VRK1: variants seen among roughly 807,000 people sequenced by gnomAD.
VRK1 encodes the protein serine/threonine-protein kinase VRK1.
Under a neutral mutation model 57.1 loss-of-function variants are expected in VRK1, and 33 were observed. The ratio of observed to expected loss-of-function variants is 0.58; its 90% confidence interval spans 0.44 to 0.77. The LOEUF (loss-of-function observed/expected upper bound fraction) is 0.77. Ranked by LOEUF, VRK1 falls within the 30% of genes least tolerant of loss-of-function variation. The probability of loss-of-function intolerance (pLI) is 0.00; values close to 1 mark genes in which losing one functional copy is unlikely to be tolerated. For synonymous variants in VRK1, 137 were observed against 147.8 expected, an observed-to-expected ratio of 0.93 and a Z score of 0.53; for missense variants, 413 against 477.3, an observed-to-expected ratio of 0.87 and a Z score of 1.25.
At chr14:96,842,473 A>G (rs548623351) in intron 3 of VRK1, among the ~76,000 whole-genome samples, 1 of 152,214 alleles carries the variant, frequency 6.6e-6, no homozygotes, top group African/African-American at 2.4e-5. Context: ...ATTATTTCTA[A>G]AAAAGCAGGA....
At chr14:96,851,104 A>G (rs1045783940) in intron 5 of VRK1, among the ~76,000 whole-genome samples, 2 of 152,070 alleles carry the variant, frequency 1.3e-5, no homozygotes, top group Non-Finnish European at 2.9e-5. Flanking sequence ...CCAAGGTGCT[A>G]GGAAATCTTA....
intron 1 of VRK1, among the ~76,000 whole-genome samples, chr14:96,810,023 TG>T (rs1389153403): frequency 6.6e-6 from 1 of 152,240 alleles, no homozygotes; most frequent in Non-Finnish European, 1.5e-5. Flanking sequence ...TAATCACTAG[TG>T]GCTGTATAGA....
chr14:96,823,790 C>T (rs1305650057), intron 1 of VRK1, among the ~76,000 whole-genome samples: 1 of 152,184 alleles, frequency 6.6e-6, no homozygotes, highest in Non-Finnish European at 1.5e-5. Flanking sequence ...CTCCCTCCAG[C>T]CTCTGGCTTA....
intron 1 of VRK1, among the ~76,000 whole-genome samples, chr14:96,829,371 A>G (rs1309308318): frequency 1.3e-5 from 2 of 152,144 alleles, no homozygotes; most frequent in Non-Finnish European, 1.5e-5. Flanking sequence ...TTTTAAGACT[A>G]CAATTTGTTT....
chr14:96,841,073 G>T (rs765425507), intron 3 of VRK1, among the ~76,000 whole-genome samples: 3 of 151,984 alleles, frequency 2.0e-5, no homozygotes, highest in Non-Finnish European at 2.9e-5. Context: ...GCCCAGGCTG[G>T]TGTCAAACTC....
intron 5 of VRK1, 85 bp downstream of exon 5, chr14:96,847,429 C>G: frequency 9.4e-7 from 1 of 1,067,288 alleles, no homozygotes; most frequent in Non-Finnish European, 1.4e-6. Context: ...ATTTACTGAT[C>G]ACTTACAATA....
At chr14:96,830,164 A>G (rs1886950597) in intron 1 of VRK1, among the ~76,000 whole-genome samples, 3 of 152,296 alleles carry the variant, frequency 2.0e-5, no homozygotes, top group Middle Eastern at 3.4e-3. Context: ...TAAGTTAACT[A>G]AATTATATCT....
chr14:96,851,730 C>T (rs1887957024), intron 5 of VRK1, among the ~76,000 whole-genome samples: 1 of 152,138 alleles, frequency 6.6e-6, no homozygotes, highest in Non-Finnish European at 1.5e-5. Flanking sequence ...GGGTTAAAAG[C>T]ATGATTTTGC....
intron 11 of VRK1, among the ~76,000 whole-genome samples, chr14:96,873,094 C>T (rs750396063): frequency 3.9e-5 from 6 of 152,154 alleles, no homozygotes; most frequent in African/African-American, 7.2e-5. Flanking sequence ...TGCCCGAGTA[C>T]GCATCTCTTA....
At chr14:96,810,999 G>A (rs1886172624) in intron 1 of VRK1, among the ~76,000 whole-genome samples, 2 of 151,612 alleles carry the variant, frequency 1.3e-5, no homozygotes, top group South Asian at 4.2e-4. Flanking sequence ...GCGCTATCTC[G>A]GCTCACTGCA....
chr14:96,810,837 T>G (rs140253917), intron 1 of VRK1, among the ~76,000 whole-genome samples: 129 of 152,346 alleles, frequency 8.5e-4, no homozygotes, highest in African/African-American at 3.1e-3. Flanking sequence ...CAGCTTTATG[T>G]TGTTCCCAGT....
chr14:96,876,790 A>C (rs1434080698), intron 12 of VRK1, among the ~76,000 whole-genome samples: 3 of 150,332 alleles, frequency 2.0e-5, no homozygotes, highest in African/African-American at 4.9e-5. Flanking sequence ...AAAAAAAAAA[A>C]ACACAAAAAA....
At chr14:96,880,355 C>G (rs141342248) in intron 12 of VRK1, among the ~76,000 whole-genome samples, 1 of 152,268 alleles carries the variant, frequency 6.6e-6, no homozygotes, top group East Asian at 1.9e-4. Flanking sequence ...GAGCACCATG[C>G]TGTCCCTGAC....
At chr14:96,856,098 G>A (rs1333130529) in intron 8 of VRK1, 32 bp from the exon 9 acceptor site, 1 of 1,610,500 alleles carries the variant, frequency 6.2e-7, no homozygotes, top group South Asian at 1.1e-5. Flanking sequence ...AATTATTTCA[G>A]TCTACCTAAT....
chr14:96,804,613 A>C (rs1566681615), intron 1 of VRK1, among the ~76,000 whole-genome samples: 1 of 152,254 alleles, frequency 6.6e-6, no homozygotes, highest in Non-Finnish European at 1.5e-5. Context: ...ATTTGTAATC[A>C]GTTTCATTGG....
At chr14:96,860,765 T>G in intron 11 of VRK1, 30 bp downstream of exon 11, 1 of 1,563,304 alleles carries the variant, frequency 6.4e-7, no homozygotes, top group Non-Finnish European at 8.8e-7. Context: ...TATTCTTTGG[T>G]CTTCTTGTGT....
chr14:96,805,511 C>CT (rs1885836422), intron 1 of VRK1, among the ~76,000 whole-genome samples: 12 of 152,334 alleles, frequency 7.9e-5, no homozygotes, highest in Middle Eastern at 3.4e-3. Flanking sequence ...AAATTATACT[C>CT]TTCCCCTCCC....
intron 5 of VRK1, among the ~76,000 whole-genome samples, chr14:96,851,391 T>C (rs1357940928): frequency 2.0e-5 from 3 of 152,178 alleles, no homozygotes; most frequent in Non-Finnish European, 4.4e-5. Flanking sequence ...TCCACCAGCC[T>C]TGGCCTCCCA....
At chr14:96,800,107 C>T (rs1464054120) in intron 1 of VRK1, among the ~76,000 whole-genome samples, 2 of 151,942 alleles carry the variant, frequency 1.3e-5, no homozygotes, top group Non-Finnish European at 2.9e-5. Context: ...CCTAATAAAA[C>T]ATTTAGGTAG....
Sources: allele counts gnomAD v4.1 joint callset (sites outside exome capture counted in the v4.1 genomes callset), GRCh38; gene constraint gnomAD v4.1.1; transcripts MANE v1.5; gene names NCBI Gene and HGNC (gene_info 2026-07-23, HGNC 2026-07-21).